Variants in DLGAP2 observed in about 807,000 individuals in gnomAD.
DLGAP2 encodes the protein DLG associated protein 2.
In DLGAP2, 26 loss-of-function variants were observed where a neutral mutation model predicts 100.3. The observed-to-expected ratio is 0.26, with a 90% CI of 0.19 to 0.36. The LOEUF is 0.36. Ranked by LOEUF, DLGAP2 falls within the 10% of genes least tolerant of loss-of-function variation. DLGAP2 has a pLI of 1.00. For synonymous variants in DLGAP2, 886 were observed against 630.1 expected (o/e 1.41, Z -6.08); for missense variants, 1,858 against 1,453.2 (o/e 1.28, Z -4.53).
intron 2 of DLGAP2, among the ~76,000 whole-genome samples, chr8:1,148,846 A>G (rs894482738): frequency 6.6e-6 from 1 of 152,188 alleles, no homozygotes; most frequent in African/African-American, 2.4e-5. Context: ...GTTCCTGCAT[A>G]TGGCCAATTT....
chr8:1,227,533 G>A (rs551769292), intron 2 of DLGAP2, among the ~76,000 whole-genome samples: 25 of 149,874 alleles, frequency 1.7e-4, no homozygotes, highest in African/African-American at 4.0e-4. Context: ...CTGCTCTGTC[G>A]CCCAGACTGG....
chr8:1,414,165 G>A (rs1472607096), intron 3 of DLGAP2, among the ~76,000 whole-genome samples: 1 of 152,180 alleles, frequency 6.6e-6, no homozygotes, highest in Non-Finnish European at 1.5e-5. Flanking sequence ...GGAGTTGTCT[G>A]TTGAGAGAAA....
In DLGAP2 at chr8:1,435,921, T is replaced by C. The variant is rs143237446; in HGVS notation, c.107-65445T>C. 6.1e-3 allele frequency among the ~76,000 whole-genome samples: 922 copies of C among 152,206 alleles called. 7 individuals carry two copies. Among genetic ancestry groups the C allele is most frequent in the African/African-American group, 0.021 (877 of 41,502 alleles). ...AAGATTAAAAATAGTAAAAGGGTTA[T>C]AGAATAAGAATATAAAGAAAAATAT... On this transcript the variant is annotated intron_variant, in intron 3 of 14. Transcript: ENST00000637795.
chr8:1,137,467 G>A (rs544564668), intron 2 of DLGAP2: 2 of 152,624 alleles, frequency 1.3e-5, no homozygotes, highest in South Asian at 4.1e-4. Flanking sequence ...GCCTCTCGCT[G>A]TCTGAGCCTC....
intron 3 of DLGAP2, among the ~76,000 whole-genome samples, chr8:1,426,507 C>G (rs1284802462): frequency 1.3e-5 from 2 of 152,130 alleles, no homozygotes; most frequent in African/African-American, 2.4e-5. Flanking sequence ...AAAGTTGTAT[C>G]CAGGGAACAG....
chr8:1,159,091 G>A (rs1248225794), intron 2 of DLGAP2, among the ~76,000 whole-genome samples: 1 of 152,212 alleles, frequency 6.6e-6, no homozygotes, highest in Non-Finnish European at 1.5e-5. Flanking sequence ...CCTTGAGGAG[G>A]GAAGAACGTA....
chr8:1,690,138 C>T (rs557721495), intron 12 of DLGAP2, among the ~76,000 whole-genome samples: 19 of 152,132 alleles, frequency 1.2e-4, no homozygotes, highest in South Asian at 4.2e-4. Flanking sequence ...GGCTGATCAC[C>T]GGAGGTCAGG....
chr8:1,678,162 A>C (rs1798852854), intron 11 of DLGAP2, 52 bp from the exon 12 acceptor site: 1 of 1,554,102 alleles, frequency 6.4e-7, no homozygotes, highest in East Asian at 2.3e-5. Flanking sequence ...ACTTTGTTGC[A>C]TGAAGTCCTC....
intron 14 of DLGAP2, among the ~76,000 whole-genome samples, chr8:1,699,128 G>A (rs577948096): frequency 1.3e-5 from 2 of 152,224 alleles, no homozygotes; most frequent in African/African-American, 4.8e-5. Flanking sequence ...AGGTGCACAC[G>A]ATGGTTCCGT....
Position 1,325,757 on chromosome 8 carries a change from C to T in DLGAP2, c.106+66874C>T, listed in dbSNP as rs77862338. On this transcript the variant is annotated intron_variant, in intron 3 of 14. Coordinates refer to ENST00000637795, the MANE Select transcript of DLGAP2 (RefSeq NM_001346810.2). ...CCAAAGAAAAATGACAGACTCAGGTCTGTTTTCCTGAGACGGGTGAAATGT... is the reference window on the plus strand; with the variant it reads ...CCAAAGAAAAATGACAGACTCAGGTTTGTTTTCCTGAGACGGGTGAAATGT... 3.3e-3 allele frequency among the ~76,000 whole-genome samples: 506 copies of T among 152,278 alleles called. 1 individual carries two copies. The highest frequency in any genetic ancestry group is 0.012 in the African/African-American group (484 of 41,552).
intron 1 of DLGAP2, among the ~76,000 whole-genome samples, chr8:756,129 T>C (rs1328370115): frequency 3.3e-5 from 5 of 152,158 alleles, no homozygotes; most frequent in African/African-American, 1.2e-4. Flanking sequence ...GCTGAGTTTG[T>C]GGCTGGAATA....
chr8:1,657,528 A>G (rs1027046174), intron 8 of DLGAP2, among the ~76,000 whole-genome samples: 5 of 152,244 alleles, frequency 3.3e-5, no homozygotes, highest in South Asian at 2.1e-4. Context: ...ATGTGGTCAA[A>G]TGATCATTTT....
At chr8:1,539,444 G>A (rs887779378) in intron 4 of DLGAP2, among the ~76,000 whole-genome samples, 2 of 152,140 alleles carry the variant, frequency 1.3e-5, no homozygotes, top group Non-Finnish European at 2.9e-5. Flanking sequence ...CTCTAATCTC[G>A]GTGCACTGGG....
At chr8:1,118,922 G>C (rs1489949350) in intron 2 of DLGAP2, among the ~76,000 whole-genome samples, 1 of 152,196 alleles carries the variant, frequency 6.6e-6, no homozygotes, top group African/African-American at 2.4e-5. Flanking sequence ...TATTTTGTGA[G>C]ACATAGCATT....
intron 2 of DLGAP2, among the ~76,000 whole-genome samples, chr8:1,156,235 A>AC (rs1796782533): frequency 2.0e-5 from 3 of 151,768 alleles, no homozygotes; most frequent in African/African-American, 7.3e-5. Context: ...TGAACCTGAA[A>AC]CCCAGGACCC....
Position 1,701,676 on chromosome 8 carries a change from G to T in DLGAP2, c.*270G>T. 2.1e-6 allele frequency: 1 copy of T among 480,476 alleles called. No individual in the cohort carries two copies. The highest frequency in any genetic ancestry group is 3.9e-5 in the South Asian group (1 of 25,862). The allele number at this position is 480,476 out of a possible 1,614,324, so 29.8% of individuals were successfully genotyped here. A position where few individuals can be genotyped will look rare whatever the true frequency, so the allele number is the denominator to read the frequency against. ...CTGAGGGACAGGTGTGGCGAGACCTGATTTCTCCTGCGTGTTCTCAGAGGA... is the reference window on the plus strand; with the variant it reads ...CTGAGGGACAGGTGTGGCGAGACCTTATTTCTCCTGCGTGTTCTCAGAGGA... On this transcript the variant is annotated 3_prime_UTR_variant, in exon 15 of 15. Coordinates refer to ENST00000637795, the MANE Select transcript of DLGAP2 (RefSeq NM_001346810.2).
In DLGAP2 at chr8:1,131,089, G is replaced by A. The variant is rs531352163; in HGVS notation, c.74-127762G>A. On this transcript the variant is annotated intron_variant, in intron 2 of 14. Transcript: ENST00000637795. ...AGAAAAAACATGTTTGTTTTTTAAT[G>A]TTTTGGGAAATATAAAATGCACTCA... Among the ~76,000 whole-genome samples, 21 of 152,262 alleles carry A rather than the reference G, an allele frequency of 1.4e-4. 1 individual carries two copies. In the South Asian group the frequency reaches 4.4e-3, roughly 32 times the overall value.
rs1361569714 is a variant in DLGAP2, at chr8:1,048,750, C to A, written c.73+140784C>A. Among the ~76,000 whole-genome samples the A allele has an allele frequency of 3.3e-5, 5 of 152,016 alleles. No individual in the cohort carries two copies. The East Asian group carries it at 9.7e-4, about 30-fold the overall frequency. On this transcript the variant is annotated intron_variant, in intron 2 of 14. Transcript: ENST00000637795. ...CTGCGGTGGGCCTAGCCTGTCCCCA[C>A]ATCTGCCGCCGAAGCTGCAGTCTTG... is the stretch of plus-strand genomic sequence containing the variant.
chr8:1,168,194 C>A (rs1040547481), intron 2 of DLGAP2, among the ~76,000 whole-genome samples: 1 of 151,760 alleles, frequency 6.6e-6, no homozygotes, highest in African/African-American at 2.4e-5. Flanking sequence ...ATCCATGTCC[C>A]TAGAAAGGAC....
Sources: allele counts gnomAD v4.1 joint callset (sites outside exome capture counted in the v4.1 genomes callset), GRCh38; gene constraint gnomAD v4.1.1; transcripts MANE v1.5; gene names NCBI Gene and HGNC (gene_info 2026-07-23, HGNC 2026-07-21).